The following CFAP20DC variants were observed in gnomAD, a reference collection of about 807,000 sequenced individuals.
CFAP20DC encodes the protein CFAP20 domain containing, also known as protein CFAP20DC.
CFAP20DC carries 84 observed loss-of-function variants against 101.7 expected under a neutral mutation model. That is an observed-to-expected ratio of 0.83 (90% CI 0.69 to 0.99). CFAP20DC has a LOEUF of 0.99. CFAP20DC is among the 50% of genes least tolerant of loss of function. The pLI, the probability that CFAP20DC is intolerant of heterozygous loss-of-function variation, is 0.00. For synonymous variants in CFAP20DC, 359 were observed against 351.2 expected, an observed-to-expected ratio of 1.02 and a Z score of -0.25; for missense variants, 1,007 against 970.3, an observed-to-expected ratio of 1.04 and a Z score of -0.50.
In CFAP20DC at chr3:58,884,589, G is replaced by C. The variant is rs1487532243; in HGVS notation, c.671C>G (p.Thr224Ser). ...AGGATGGCCTCCGAATTTTATTTCA[G>C]TTTGGCGAAGTTTAGTCATGTTTAG... ...QLLNMTKLRQ[T>S]EIKFGGHPLR... The change falls in exon 7 of 17, where the codon ACT becomes AGT. Residue 224 changes from threonine (T) to serine (S), a missense_variant. Transcript: ENST00000482387. 1.2e-6 allele frequency: 2 copies of C among 1,613,990 alleles called. No homozygotes were observed. The highest frequency in any genetic ancestry group is 1.7e-6 in the Non-Finnish European group (2 of 1,179,912).
At chr3:58,883,024 C>T (rs936886620) in intron 7 of CFAP20DC, among the ~76,000 whole-genome samples, 1 of 152,158 alleles carries the variant, frequency 6.6e-6, no homozygotes. Flanking sequence ...TGAAGATTGA[C>T]ATATAGAAAA....
chr3:58,718,232 T>C (rs1361233655), intron 3 of CFAP20DC, among the ~76,000 whole-genome samples: 1 of 152,250 alleles, frequency 6.6e-6, no homozygotes. Flanking sequence ...CCACTTCTTT[T>C]ATTTCCTCTA....
rs138937738 is a variant in CFAP20DC, at chr3:58,865,448, T to A, written c.1258+1118A>T. ...AAACCTACTAGGGACAAGGCTTTCA[T>A]ATATTGAGGGACATGAGTCTGTAGG... On this transcript the variant is annotated intron_variant, in intron 11 of 16. Transcript: ENST00000482387. Among the ~76,000 whole-genome samples, 461 of 152,318 alleles carry A rather than the reference T, an allele frequency of 3.0e-3. 3 individuals are homozygous for A. The highest frequency in any genetic ancestry group is 0.014 in the Middle Eastern group (4 of 294).
At chr3:59,047,009 T>TG (rs1699918759) in intron 2 of CFAP20DC, among the ~76,000 whole-genome samples, 156 bp downstream of exon 2, 1 of 151,936 alleles carries the variant, frequency 6.6e-6, no homozygotes. Flanking sequence ...AACTGAAGAG[T>TG]GGTGTCCAGG....
At chr3:58,896,847 G>T (rs186958977) in intron 6 of CFAP20DC, among the ~76,000 whole-genome samples, 4 of 152,266 alleles carry the variant, frequency 2.6e-5, no homozygotes, top group Admixed American at 2.6e-4. Flanking sequence ...GGGATGAGAA[G>T]AATGTATACT....
intron 14 of CFAP20DC, among the ~76,000 whole-genome samples, chr3:58,813,712 C>A (rs1000351643): frequency 6.6e-6 from 1 of 151,866 alleles, no homozygotes; most frequent in African/African-American, 2.4e-5. Flanking sequence ...TAATTTAAAT[C>A]AAACACCCCA....
chr3:58,733,434 C>CTG (rs2067686640), intron 3 of CFAP20DC, among the ~76,000 whole-genome samples: 1 of 152,086 alleles, frequency 6.6e-6, no homozygotes, highest in African/African-American at 2.4e-5. Context: ...GTCATATACT[C>CTG]TGAGGGAAAA....
Position 59,049,970 on chromosome 3 carries a change from C to G in CFAP20DC, c.-339G>C, listed in dbSNP as rs1358137356. 3 of 291,392 alleles carry G rather than the reference C, an allele frequency of 1.0e-5. No homozygotes were observed. Among genetic ancestry groups the G allele is most frequent in the Non-Finnish European group, 1.9e-5 (3 of 156,520 alleles). The allele number at this position is 291,392 out of a possible 1,614,324, so 18.1% of individuals were successfully genotyped here. On this transcript the variant is annotated 5_prime_UTR_variant, in exon 1 of 17. Coordinates refer to ENST00000482387, the MANE Select transcript of CFAP20DC (RefSeq NM_001394063.1). ...GCCCAGTCGCGGAGCCACAGACAACCGCCCGCTGGCCTAGGAAAAGCGGGC... is the reference window on the plus strand; with the variant it reads ...GCCCAGTCGCGGAGCCACAGACAACGGCCCGCTGGCCTAGGAAAAGCGGGC...
At chr3:58,934,516 A>T (rs2087231804) in intron 5 of CFAP20DC, among the ~76,000 whole-genome samples, 1 of 152,232 alleles carries the variant, frequency 6.6e-6, no homozygotes, top group Non-Finnish European at 1.5e-5. Flanking sequence ...TGATGCAAAA[A>T]TCCTCAATAA....
chr3:58,873,590 T>A (rs908190256), intron 7 of CFAP20DC, among the ~76,000 whole-genome samples: 4 of 150,696 alleles, frequency 2.7e-5, no homozygotes, highest in Non-Finnish European at 3.0e-5. Context: ...TGGTGGATGC[T>A]GTCAGGCAGG....
At chr3:58,837,782 C>A (rs1267043962) in intron 13 of CFAP20DC, among the ~76,000 whole-genome samples, 2 of 152,114 alleles carry the variant, frequency 1.3e-5, no homozygotes, top group East Asian at 1.9e-4. Context: ...TGTTTTTGGA[C>A]CCCAACATGA....
intron 4 of CFAP20DC, among the ~76,000 whole-genome samples, chr3:59,035,076 C>T (rs2109146505): frequency 6.6e-6 from 1 of 152,262 alleles, no homozygotes; most frequent in Admixed American, 6.5e-5. Context: ...ACTGAACAAC[C>T]TGCTCTTGAA....
At chr3:58,904,234 T>C (rs2083401761) in intron 6 of CFAP20DC, among the ~76,000 whole-genome samples, 1 of 152,122 alleles carries the variant, frequency 6.6e-6, no homozygotes, top group Non-Finnish European at 1.5e-5. Flanking sequence ...TTTTGGATGC[T>C]ATTGTAAATG....
chr3:58,818,207 C>G (rs948565340), intron 14 of CFAP20DC, among the ~76,000 whole-genome samples: 1 of 151,842 alleles, frequency 6.6e-6, no homozygotes, highest in Non-Finnish European at 1.5e-5. Flanking sequence ...TAAAGACCAT[C>G]GAGACTAGAA....
chr3:58,921,199 C>T (rs946987571), intron 5 of CFAP20DC, among the ~76,000 whole-genome samples: 1 of 151,780 alleles, frequency 6.6e-6, no homozygotes, highest in Non-Finnish European at 1.5e-5. Flanking sequence ...TTCAAAGAAC[C>T]AATTTTTGGT....
At chr3:58,981,179 A>G (rs1174132339) in intron 4 of CFAP20DC, among the ~76,000 whole-genome samples, 1 of 152,232 alleles carries the variant, frequency 6.6e-6, no homozygotes, top group African/African-American at 2.4e-5. Context: ...AAGGAGAACT[A>G]CAAACCACTG....
chr3:58,735,239 T>C (rs747199196), intron 3 of CFAP20DC, among the ~76,000 whole-genome samples: 1 of 152,238 alleles, frequency 6.6e-6, no homozygotes, highest in Non-Finnish European at 1.5e-5. Context: ...AGCTGAAACC[T>C]AGCTATGTTC....
At chr3:58,987,671 A>G (rs2092796718) in intron 4 of CFAP20DC, among the ~76,000 whole-genome samples, 2 of 152,160 alleles carry the variant, frequency 1.3e-5, no homozygotes, top group African/African-American at 2.4e-5. Flanking sequence ...ATACTTTTAC[A>G]TATATAGCTA....
chr3:58,921,814 A>G (rs997412752), intron 5 of CFAP20DC, among the ~76,000 whole-genome samples: 2 of 152,148 alleles, frequency 1.3e-5, no homozygotes, highest in African/African-American at 4.8e-5. Flanking sequence ...TTCCAGCTAC[A>G]CTTGCATATT....
Sources: gnomAD v4.1 joint callset for allele counts (sites outside exome capture counted in the v4.1 genomes callset) on GRCh38, gnomAD v4.1.1 for gene constraint, MANE v1.5 for transcripts, NCBI Gene and HGNC (gene_info 2026-07-23, HGNC 2026-07-21) for gene names.